Variants in FBXL2 observed in about 807,000 individuals in gnomAD.
FBXL2 encodes F-box/LRR-repeat protein 2.
Under a neutral mutation model 69.2 loss-of-function variants are expected in FBXL2, and 38 were observed. The observed-to-expected ratio is 0.55, with a 90% CI of 0.42 to 0.72. FBXL2 has a LOEUF of 0.72. Ranked by LOEUF, FBXL2 falls within the 30% of genes least tolerant of loss-of-function variation. The pLI is 0.00. For synonymous variants in FBXL2, 192 were observed against 201.3 expected (o/e 0.95, Z 0.39); for missense variants, 354 against 520.3 (o/e 0.68, Z 3.11).
At chr3:33,380,536 CA>C (rs2042977070) in intron 13 of FBXL2, among the ~76,000 whole-genome samples, 2 of 122,942 alleles carry the variant, frequency 1.6e-5, no homozygotes, top group African/African-American at 6.6e-5. Context: ...CCAGCCTGGG[CA>C]ACAAGAGCAA....
downstream of FBXL2, among the ~76,000 whole-genome samples, chr3:33,407,736 C>T (rs17030628): frequency 0.38 from 57,409 of 151,954 alleles, 11,802 homozygotes; most frequent in East Asian, 0.6. Flanking sequence ...TTAACCACAG[C>T]AATTGCGATA....
chr3:33,398,629 G>A (rs1353032201), intron 12 of FBXL2, among the ~76,000 whole-genome samples: 1 of 152,244 alleles, frequency 6.6e-6, no homozygotes, highest in African/African-American at 2.4e-5. Context: ...ACCATGGCTA[G>A]CTCCTCGCCC....
intron 2 of FBXL2, among the ~76,000 whole-genome samples, chr3:33,322,176 C>T (rs756555552): frequency 1.4e-5 from 2 of 143,026 alleles, no homozygotes; most frequent in African/African-American, 2.6e-5. Context: ...CTCCCGGGTT[C>T]ACAGCATTCT....
chr3:33,317,205 T>C (rs1301044769), intron 2 of FBXL2, among the ~76,000 whole-genome samples: 2 of 152,160 alleles, frequency 1.3e-5, no homozygotes, highest in Non-Finnish European at 2.9e-5. Flanking sequence ...GCCTAATATA[T>C]GAATTTTTCA....
intron 12 of FBXL2, among the ~76,000 whole-genome samples, chr3:33,400,796 GTACTC>G (rs1301493897): frequency 6.6e-6 from 1 of 152,126 alleles, no homozygotes; most frequent in Non-Finnish European, 1.5e-5. Flanking sequence ...CTAAAAAAAT[GTACTC>G]TACTCAGGTG....
At chr3:33,418,239 A>C in the FBXL2 span, among the ~76,000 whole-genome samples, 3 of 152,184 alleles carry the variant, frequency 2.0e-5, no homozygotes, top group Non-Finnish European at 4.4e-5. Context: ...CAGATCAATA[A>C]GAAACATTAA....
At chr3:33,374,273 GGAT>G (rs1417454759) in intron 9 of FBXL2, among the ~76,000 whole-genome samples, 1 of 152,058 alleles carries the variant, frequency 6.6e-6, no homozygotes, top group Non-Finnish European at 1.5e-5. Flanking sequence ...TATAAATTAA[GGAT>G]GATGACTCCT....
At chr3:33,353,278 GTATT>G (rs1176900205) in intron 2 of FBXL2, among the ~76,000 whole-genome samples, 1 of 152,150 alleles carries the variant, frequency 6.6e-6, no homozygotes, top group Non-Finnish European at 1.5e-5. Flanking sequence ...ACATACCTAA[GTATT>G]TATCCAAATG....
At chr3:33,311,693 C>T (rs112893381) in intron 2 of FBXL2, among the ~76,000 whole-genome samples, 11,757 of 151,946 alleles carry the variant, frequency 0.077, 524 homozygotes, top group Admixed American at 0.098. Context: ...GCCACTATTT[C>T]GGCTCACTGC....
At chr3:33,411,467 A>C in the FBXL2 span, 1 of 896,092 alleles carries the variant, frequency 1.1e-6, no homozygotes, top group South Asian at 1.6e-5. Context: ...GAAAGACACT[A>C]CAACATAGTT....
At chr3:33,349,402 CATTG>C (rs2040675180) in intron 2 of FBXL2, among the ~76,000 whole-genome samples, 1 of 152,136 alleles carries the variant, frequency 6.6e-6, no homozygotes. Context: ...TGATGCATCA[CATTG>C]ATTGATTTGC....
At chr3:33,402,611 C>T (rs1393613228) in intron 12 of FBXL2, among the ~76,000 whole-genome samples, 4 of 151,986 alleles carry the variant, frequency 2.6e-5, no homozygotes, top group African/African-American at 4.8e-5. Flanking sequence ...ACAAGGGGCT[C>T]GGAGTAAAAA....
Position 33,386,428 on chromosome 3 carries a change from G to A in FBXL2, c.*820G>A, listed in dbSNP as rs2043436678. ...TTAAAGAGAAAGAACTAAGGCTTAA[G>A]TTATCTGTAGTATAATCAATTAGAA... On this transcript the variant is annotated 3_prime_UTR_variant, in exon 15 of 15. Coordinates refer to ENST00000484457, the MANE Select transcript of FBXL2 (RefSeq NM_012157.5). The A allele has an allele frequency of 6.6e-6, 1 of 151,962 alleles. No homozygotes were observed. The highest frequency in any genetic ancestry group is 1.9e-4 in the East Asian group (1 of 5,176). 9.4% of individuals were successfully genotyped at this position (151,962 alleles called of 1,614,324 possible).
chr3:33,395,306 C>T (rs2043930701), intron 12 of FBXL2, among the ~76,000 whole-genome samples: 1 of 152,138 alleles, frequency 6.6e-6, no homozygotes, highest in Middle Eastern at 3.4e-3. Context: ...CAAATAACTG[C>T]ATCTCTGAAT....
chr3:33,303,627 A>G (rs1202823312), intron 2 of FBXL2, among the ~76,000 whole-genome samples: 4 of 152,182 alleles, frequency 2.6e-5, no homozygotes, highest in Non-Finnish European at 4.4e-5. Flanking sequence ...TGAATTCAGT[A>G]ACAGAAAAGA....
intron 2 of FBXL2, among the ~76,000 whole-genome samples, chr3:33,325,010 G>T (rs1215319128): frequency 6.6e-6 from 1 of 152,090 alleles, no homozygotes. Context: ...CCACAAAGAG[G>T]TCCTTCACAT....
intron 10 of FBXL2, among the ~76,000 whole-genome samples, chr3:33,377,066 C>T (rs1157265484): frequency 6.6e-6 from 1 of 152,132 alleles, no homozygotes; most frequent in African/African-American, 2.4e-5. Flanking sequence ...AAACAACATG[C>T]TGGTAAAGCA....
At chr3:33,390,751 G>A (rs1341816247), downstream of FBXL2, 5 of 199,162 alleles carry the variant, frequency 2.5e-5, no homozygotes, top group South Asian at 1.4e-4. Flanking sequence ...AAATGCAAAT[G>A]TGTACATCTA....
In FBXL2 at chr3:33,378,106, T is replaced by C; in HGVS notation, c.853T>C (p.Cys285Arg). Residue 285 changes from cysteine to arginine, a missense_variant, in exon 12 of 15, where the codon TGC becomes CGC. Coordinates refer to ENST00000484457, the MANE Select transcript of FBXL2 (RefSeq NM_012157.5). ...TGTGTCTTGTGGACTCTTCCAGAAT[T>C]GCCACGAATTGGAGAAGATGGATCT... ...DAGFTLLARN[C>R]HELEKMDLEE... is the part of the protein sequence containing the mutation. 8 of 1,614,192 alleles carry C rather than the reference T, an allele frequency of 5.0e-6. No individual in the cohort carries two copies. The highest frequency in any genetic ancestry group is 6.8e-6 in the Non-Finnish European group (8 of 1,180,010).
Sources: allele counts gnomAD v4.1 joint callset (sites outside exome capture counted in the v4.1 genomes callset), GRCh38; gene constraint gnomAD v4.1.1; transcripts MANE v1.5; gene names NCBI Gene and HGNC (gene_info 2026-07-23, HGNC 2026-07-21).